The following CCDC134 variants were observed in gnomAD, a reference collection of about 807,000 sequenced individuals.
CCDC134 encodes coiled-coil domain containing 134.
Under a neutral mutation model 25.6 loss-of-function variants are expected in CCDC134, and 27 were observed. The observed-to-expected ratio is 1.05, with a 90% CI of 0.78 to 1.45. The LOEUF (loss-of-function observed/expected upper bound fraction) is 1.45. Ranked by LOEUF, CCDC134 falls within the 40% of genes most tolerant of loss-of-function variation. The pLI is 0.00. For synonymous variants in CCDC134, 110 were observed against 115.0 expected (o/e 0.96, Z 0.28); for missense variants, 261 against 286.7 (o/e 0.91, Z 0.65).
At chr22:41,804,696 A>G (rs1029954073) in intron 1 of CCDC134, among the ~76,000 whole-genome samples, 1 of 152,238 alleles carries the variant, frequency 6.6e-6, no homozygotes, top group African/African-American at 2.4e-5. Flanking sequence ...CTTTGAAGGC[A>G]GGCTTTCTAT....
intron 6 of CCDC134, among the ~76,000 whole-genome samples, chr22:41,819,343 G>A (rs1401070651): frequency 3.3e-5 from 5 of 152,312 alleles, no homozygotes; most frequent in South Asian, 2.1e-4. Context: ...CGGTGTAACT[G>A]TTATACTGGT....
In CCDC134 at chr22:41,825,832, C is replaced by A. The variant is rs186730264; in HGVS notation, c.*9C>A. ...CCCAGTCTGAGTTATAGCCCTGGAG[C>A]AGCTCAGGGCTCAGGGGGCCACAAG... On this transcript the variant is annotated 3_prime_UTR_variant, in exon 7 of 7. Coordinates refer to ENST00000255784, the MANE Select transcript of CCDC134 (RefSeq NM_024821.5). This position sits in a 1 kb window ranked among gnomAD's most constrained non-coding sequence, Gnocchi z 4.4. 1.9e-6 allele frequency: 3 copies of A among 1,613,712 alleles called. No individual in the cohort carries two copies. In the African/African-American group the frequency reaches 4.0e-5, roughly 22 times the overall value.
In CCDC134 at chr22:41,827,077, T is replaced by G. The variant is rs1415100957; in HGVS notation, c.*1254T>G. Among the ~76,000 whole-genome samples the G allele has an allele frequency of 2.0e-5, 3 of 152,210 alleles. No homozygotes were observed. The highest frequency in any genetic ancestry group is 4.4e-5 in the Non-Finnish European group (3 of 68,028). On this transcript the variant is annotated 3_prime_UTR_variant, in exon 7 of 7. Transcript: ENST00000255784. ...CTGTATCCCCTGCCCAGCCCTAACC[T>G]GTTTCTCTGAGGCTGGCCTCCCTAC... is the stretch of plus-strand genomic sequence containing the variant.
chr22:41,807,035 A>G (rs942511729), intron 1 of CCDC134, among the ~76,000 whole-genome samples: 1 of 152,140 alleles, frequency 6.6e-6, no homozygotes, highest in East Asian at 1.9e-4. Flanking sequence ...GCAACAGAGC[A>G]AGACTCCGTC....
At chr22:41,810,374 T>A (rs1031176264) in intron 4 of CCDC134, 83 bp downstream of exon 4, 2 of 1,351,530 alleles carry the variant, frequency 1.5e-6, no homozygotes, top group African/African-American at 2.9e-5. Context: ...TTGTCACTCT[T>A]TTTTTCTCCC....
In CCDC134 at chr22:41,809,994, C is replaced by T; in HGVS notation, c.219C>T (p.Leu73=). The T allele has an allele frequency of 6.2e-7, 1 of 1,614,120 alleles. No homozygotes were observed. Among genetic ancestry groups the T allele is most frequent in the Non-Finnish European group, 8.5e-7 (1 of 1,180,022 alleles). ...TCCTTGATGTCATGCTCAAGGGGCTCTTTAAGGTGTGTGCAGGCAGGGGGC... is the reference window on the plus strand; with the variant it reads ...TCCTTGATGTCATGCTCAAGGGGCTTTTTAAGGTGTGTGCAGGCAGGGGGC... ...YKILDVMLKG[L]FKVLEDSRTV... is the part of the protein sequence containing the mutation. Residue 73 remains leucine (L), a synonymous_variant, in exon 3 of 7, where the codon CTC becomes CTT. Transcript: ENST00000255784.
intron 2 of CCDC134, 73 bp from the exon 3 acceptor site, chr22:41,809,806 C>T: frequency 6.3e-7 from 1 of 1,588,434 alleles, no homozygotes; most frequent in Non-Finnish European, 8.6e-7. Flanking sequence ...CAGGAATGAG[C>T]CTTCTGAGGC....
chr22:41,802,368 TGTTGGAGACTAGGAGTCTCCA>T (rs1295822095), intron 1 of CCDC134, among the ~76,000 whole-genome samples: 15 of 151,916 alleles, frequency 9.9e-5, no homozygotes, highest in East Asian at 3.9e-4. Flanking sequence ...TCTCTTGCCA[TGTTGGAGACTAGGAGTCTCCA>T]GTTGGAGACT....
Position 41,813,245 on chromosome 22 carries a change from A to C in CCDC134, c.311-19A>C. ...AGGAGAGCATCTGCCCTGGCCACTCATCAGGGTCCTCTCGCCAGCTTTCTC... is the reference window on the plus strand; with the variant it reads ...AGGAGAGCATCTGCCCTGGCCACTCCTCAGGGTCCTCTCGCCAGCTTTCTC... On this transcript the variant is annotated intron_variant, in intron 4 of 6. Transcript: ENST00000255784. 6.2e-7 allele frequency: 1 copy of C among 1,613,810 alleles called. No homozygotes were observed. Among genetic ancestry groups the C allele is most frequent in the Non-Finnish European group, 8.5e-7 (1 of 1,179,736 alleles).
In CCDC134 at chr22:41,810,003, G is replaced by A. The variant is rs1057468978; in HGVS notation, c.225+3G>A. ...TCATGCTCAAGGGGCTCTTTAAGGT[G>A]TGTGCAGGCAGGGGGCAGCTCATGG... On this transcript the variant is annotated splice_donor_region_variant and intron_variant, in intron 3 of 6. Transcript: ENST00000255784. 14 of 1,613,960 alleles carry A rather than the reference G, an allele frequency of 8.7e-6. No individual in the cohort carries two copies. Among genetic ancestry groups the A allele is most frequent in the Admixed American group, 1.7e-5 (1 of 60,000 alleles).
intron 1 of CCDC134, among the ~76,000 whole-genome samples, chr22:41,802,364 G>T (rs908529735): frequency 6.6e-6 from 1 of 152,088 alleles, no homozygotes; most frequent in Non-Finnish European, 1.5e-5. Context: ...TTGGTCTCTT[G>T]CCATGTTGGA....
intron 4 of CCDC134, among the ~76,000 whole-genome samples, chr22:41,811,469 C>A (rs1170747004): frequency 6.6e-6 from 1 of 152,160 alleles, no homozygotes; most frequent in African/African-American, 2.4e-5. Flanking sequence ...TACTCCATCA[C>A]CCAGGCTGGA....
chr22:41,812,627 A>T (rs897413110), intron 4 of CCDC134, among the ~76,000 whole-genome samples: 1 of 150,918 alleles, frequency 6.6e-6, no homozygotes, highest in Non-Finnish European at 1.5e-5. Flanking sequence ...GTGAGACCTC[A>T]CCTCTAAAGT....
intron 6 of CCDC134, among the ~76,000 whole-genome samples, chr22:41,824,972 C>T (rs949482736): frequency 6.6e-6 from 1 of 151,888 alleles, no homozygotes; most frequent in African/African-American, 2.4e-5. Flanking sequence ...GTGATGGACC[C>T]GAGGAGGGAG....
In CCDC134 at chr22:41,827,805, C is replaced by T. The variant is rs2076686704; in HGVS notation, c.*1982C>T. Among the ~76,000 whole-genome samples the T allele has an allele frequency of 6.6e-6, 1 of 152,202 alleles. No homozygotes were observed. Among genetic ancestry groups the T allele is most frequent in the African/African-American group, 2.4e-5 (1 of 41,452 alleles). On this transcript the variant is annotated 3_prime_UTR_variant, in exon 7 of 7. Transcript: ENST00000255784. ...CACTGGCTCAGCTGTTTAACCTGTC[C>T]TGGTGCCAGCAGCTGGAGCTGGGTG...
rs373452294 is a variant in CCDC134 at position 41,809,986 on chromosome 22, A to C, written c.211A>C (p.Lys71Gln). 3 of 1,614,024 alleles carry C rather than the reference A, an allele frequency of 1.9e-6. No homozygotes were observed. In the African/African-American group the frequency reaches 4.0e-5, roughly 22 times the overall value. The change falls in exon 3 of 7, where the codon AAG becomes CAG. Residue 71 changes from lysine to glutamine, a missense_variant. By Grantham distance (53) the Lys-to-Gln change is moderately conservative. Coordinates refer to ENST00000255784, the MANE Select transcript of CCDC134 (RefSeq NM_024821.5). ...QQYKILDVMLKGLFKVLEDSR... is the reference protein window; with the variant it reads ...QQYKILDVMLQGLFKVLEDSR... ...GTACAAGATCCTTGATGTCATGCTC[A>C]AGGGGCTCTTTAAGGTGTGTGCAGG...
intron 1 of CCDC134, among the ~76,000 whole-genome samples, chr22:41,804,082 G>A (rs1041992008): frequency 6.6e-6 from 1 of 151,712 alleles, no homozygotes; most frequent in African/African-American, 2.4e-5. Context: ...TCATTGAGCC[G>A]AGATTGCACC....
intron 4 of CCDC134, among the ~76,000 whole-genome samples, chr22:41,812,422 CAAA>C (rs36098937): frequency 5.2e-5 from 4 of 77,204 alleles, no homozygotes; most frequent in African/African-American, 4.7e-5. Flanking sequence ...ACTCCGTCTC[CAAA>C]AAAAAAAAAA....
intron 3 of CCDC134, 75 bp from the exon 4 acceptor site, chr22:41,810,132 G>C (rs1234655670): frequency 2.5e-6 from 4 of 1,595,464 alleles, no homozygotes; most frequent in African/African-American, 2.7e-5. Context: ...TTGAAGTGGG[G>C]TTTAAATAAA....
Sources: gnomAD v4.1 joint callset for allele counts (sites outside exome capture counted in the v4.1 genomes callset) on GRCh38, gnomAD v4.1.1 for gene constraint, Gnocchi (gnomAD v3.1) non-coding constraint, MANE v1.5 for transcripts, NCBI Gene and HGNC (gene_info 2026-07-23, HGNC 2026-07-21) for gene names.